The following KIF1B variants were observed in gnomAD, a reference collection of about 807,000 sequenced individuals.
KIF1B encodes the protein kinesin-like protein KIF1B.
Under a neutral mutation model 241.9 loss-of-function variants are expected in KIF1B, and 76 were observed. The observed-to-expected ratio is 0.31, with a 90% confidence interval of 0.26 to 0.38. The LOEUF (loss-of-function observed/expected upper bound fraction) is 0.38. Ranked by LOEUF, KIF1B falls within the 10% of genes least tolerant of loss-of-function variation. The pLI, the probability that KIF1B is intolerant of heterozygous loss-of-function variation, is 1.00. For synonymous variants in KIF1B, 750 were observed against 796.7 expected (o/e 0.94, Z 0.99); for missense variants, 1,622 against 2,271.4 (o/e 0.71, Z 5.81).
intron 22 of KIF1B, chr1:10,304,238 TTCCATGGGGCTC>T: frequency 3.1e-6 from 5 of 1,614,104 alleles, no homozygotes; most frequent in Non-Finnish European, 4.2e-6. Context: ...GATCCCCAGT[TTCCATGGGGCTC>T]TCAAGGAATG....
intron 38 of KIF1B, among the ~76,000 whole-genome samples, chr1:10,354,847 A>G (rs556740835): frequency 6.6e-6 from 1 of 152,316 alleles, no homozygotes; most frequent in South Asian, 2.1e-4. Flanking sequence ...AAGTGGCAAA[A>G]TGGAGTTTGG....
chr1:10,352,921 A>G (rs1652851001), intron 38 of KIF1B, among the ~76,000 whole-genome samples, 185 bp downstream of exon 38: 1 of 152,226 alleles, frequency 6.6e-6, no homozygotes, highest in Admixed American at 6.5e-5. Flanking sequence ...GAAAGAAAGA[A>G]AGTATTGCAG....
intron 37 of KIF1B, among the ~76,000 whole-genome samples, chr1:10,349,377 G>A (rs548278533): frequency 1.1e-4 from 17 of 152,036 alleles, no homozygotes; most frequent in Non-Finnish European, 2.4e-4. Flanking sequence ...GGAGGTTGCA[G>A]TGAGCTGAGA....
chr1:10,257,117 G>T lies in KIF1B; in HGVS notation c.183+794G>T, dbSNP rs529096520. Among the ~76,000 whole-genome samples the T allele has an allele frequency of 7.2e-4, 108 of 149,268 alleles. 1 individual carries two copies. Among genetic ancestry groups the T allele is most frequent in the East Asian group, 7.8e-4 (4 of 5,100 alleles). On this transcript the variant is annotated intron_variant, in intron 3 of 48. Coordinates refer to ENST00000676179, the MANE Select transcript of KIF1B (RefSeq NM_001365951.3). Reference sequence around the variant, plus strand: ...ACCACAGAGAAATTGTTTTTTTTTTGTTTGTTTGTTTGTTTTTGGCTAGGC... The same window carrying T: ...ACCACAGAGAAATTGTTTTTTTTTTTTTTGTTTGTTTGTTTTTGGCTAGGC...
At chr1:10,260,588 AGCATGGTG>A (rs937050590) in intron 4 of KIF1B, among the ~76,000 whole-genome samples, 2 of 152,150 alleles carry the variant, frequency 1.3e-5, no homozygotes, top group African/African-American at 4.8e-5. Context: ...AAACAGCCCC[AGCATGGTG>A]GCTCATGCCT....
At chr1:10,315,619 T>A (rs1341072516) in intron 22 of KIF1B, among the ~76,000 whole-genome samples, 2 of 151,636 alleles carry the variant, frequency 1.3e-5, no homozygotes, top group Non-Finnish European at 2.9e-5. Context: ...TAATCCAAGA[T>A]CCAGTCAAGG....
intron 1 of KIF1B, among the ~76,000 whole-genome samples, chr1:10,216,769 G>A (rs534998705): frequency 1.7e-4 from 26 of 151,972 alleles, no homozygotes; most frequent in African/African-American, 5.5e-4. Context: ...TAGGAAAAAA[G>A]GGCATGAACT....
chr1:10,323,940 A>G lies in KIF1B; in HGVS notation c.2415A>G (p.Glu805=), dbSNP rs1651620010. Reference sequence around the variant, plus strand: ...CACTGTACTCCCCTTTGCCTCCTGAATTACTTCCCACTGAGATGGAAAAAA... The same window carrying G: ...CACTGTACTCCCCTTTGCCTCCTGAGTTACTTCCCACTGAGATGGAAAAAA... ...TDTLYSPLPP[E]LLPTEMEKTH... is the part of the protein sequence containing the mutation. Residue 805 remains glutamate, a synonymous_variant, in exon 25 of 49, where the codon GAA becomes GAG. Coordinates refer to ENST00000676179, the MANE Select transcript of KIF1B (RefSeq NM_001365951.3). 6.2e-7 allele frequency: 1 copy of G among 1,614,100 alleles called. No homozygotes were observed. Among genetic ancestry groups the G allele is most frequent in the Non-Finnish European group, 8.5e-7 (1 of 1,179,978 alleles).
chr1:10,268,182 A>G lies in KIF1B; in HGVS notation c.639A>G (p.Thr213=). The change falls in exon 7 of 49, where the codon ACA becomes ACG. Residue 213 remains threonine, a synonymous_variant. Transcript: ENST00000676179. ...TGGCAGCTACAAACATGAATGAAACAAGTAGCCGTTCCCACGCTGTGTTTA... is the reference window on the plus strand; with the variant it reads ...TGGCAGCTACAAACATGAATGAAACGAGTAGCCGTTCCCACGCTGTGTTTA... ...RTVAATNMNE[T]SSRSHAVFTI... 2.5e-6 allele frequency: 4 copies of G among 1,614,014 alleles called. No homozygotes were observed. The highest frequency in any genetic ancestry group is 3.4e-6 in the Non-Finnish European group (4 of 1,179,910).
chr1:10,356,763 G>A (rs941689047), intron 38 of KIF1B, among the ~76,000 whole-genome samples: 1 of 151,918 alleles, frequency 6.6e-6, no homozygotes, highest in African/African-American at 2.4e-5. Flanking sequence ...AGCTGGGCGT[G>A]GTAGCATGTG....
At chr1:10,220,682 G>A (rs1646833617) in intron 1 of KIF1B, among the ~76,000 whole-genome samples, 1 of 151,982 alleles carries the variant, frequency 6.6e-6, no homozygotes, top group South Asian at 2.1e-4. Context: ...TCTTTTTTGA[G>A]ACAGAGTTTT....
intron 1 of KIF1B, 30 bp from the exon 2 acceptor site, chr1:10,232,220 A>C (rs1445858916): frequency 2.4e-5 from 18 of 744,710 alleles, no homozygotes; most frequent in Non-Finnish European, 3.8e-5. Context: ...AATTCTGACT[A>C]CCTCATATGG....
At chr1:10,320,179 A>G in intron 23 of KIF1B, 43 bp downstream of exon 23, 1 of 1,321,008 alleles carries the variant, frequency 7.6e-7, no homozygotes, top group Non-Finnish European at 1.1e-6. Flanking sequence ...TATCTTTTTG[A>G]AGTTATATTA....
intron 37 of KIF1B, among the ~76,000 whole-genome samples, chr1:10,352,074 A>G (rs1652815120): frequency 6.8e-6 from 1 of 146,370 alleles, no homozygotes; most frequent in South Asian, 2.1e-4. Flanking sequence ...TGTGAATAGC[A>G]GGTCAGAAGT....
chr1:10,223,020 G>A (rs183012458), intron 1 of KIF1B, among the ~76,000 whole-genome samples: 4 of 152,320 alleles, frequency 2.6e-5, no homozygotes, highest in African/African-American at 7.2e-5. Flanking sequence ...TTGGGAGGCC[G>A]AGGCAGGCGG....
At chr1:10,302,020 G>T (rs1036699296) in intron 22 of KIF1B, among the ~76,000 whole-genome samples, 14 of 152,198 alleles carry the variant, frequency 9.2e-5, no homozygotes, top group African/African-American at 3.1e-4. Context: ...TCAATTTTAT[G>T]TAACCAGAGT....
chr1:10,378,522 AT>A lies in KIF1B; in HGVS notation c.*1937del. 2.9e-6 allele frequency: 2 copies of A among 699,492 alleles called. No individual in the cohort carries two copies. The highest frequency in any genetic ancestry group is 5.4e-5 in the East Asian group (2 of 37,128). The allele number at this position is 699,492 out of a possible 1,614,324, so 43.3% of individuals were successfully genotyped here. A position where few individuals can be genotyped will look rare whatever the true frequency, so the allele number is the denominator to read the frequency against. On this transcript the variant is annotated 3_prime_UTR_variant, in exon 49 of 49. Coordinates refer to ENST00000676179, the MANE Select transcript of KIF1B (RefSeq NM_001365951.3). ...CTTGCTCAGACCTCTCTGTTTCACCATTGCTCAGGCATTCAGGAAAGTATCT... is the reference window on the plus strand; with the variant it reads ...CTTGCTCAGACCTCTCTGTTTCACCATGCTCAGGCATTCAGGAAAGTATCT...
chr1:10,301,089 A>G (rs1434792865), intron 22 of KIF1B, among the ~76,000 whole-genome samples: 3 of 152,184 alleles, frequency 2.0e-5, no homozygotes, highest in African/African-American at 7.2e-5. Flanking sequence ...AGTCCCGGCT[A>G]AGGCAGGAAG....
chr1:10,241,188 T>G (rs1226234442), intron 2 of KIF1B, among the ~76,000 whole-genome samples: 1 of 152,156 alleles, frequency 6.6e-6, no homozygotes, highest in Non-Finnish European at 1.5e-5. Flanking sequence ...CATGACCCAC[T>G]GCAGCCTCAA....
Sources: gnomAD v4.1 joint callset for allele counts (sites outside exome capture counted in the v4.1 genomes callset) on GRCh38, gnomAD v4.1.1 for gene constraint, MANE v1.5 for transcripts, NCBI Gene and HGNC (gene_info 2026-07-23, HGNC 2026-07-21) for gene names.